SNX25: variants seen among roughly 807,000 people sequenced by gnomAD.
SNX25 encodes the protein sorting nexin 25, also known as sorting nexin-25.
A neutral mutation model predicts 113.7 loss-of-function variants in SNX25; 62 were observed. That is an observed-to-expected ratio of 0.55 (90% CI 0.44 to 0.67). The LOEUF is 0.67. SNX25 is among the 30% of genes least tolerant of loss of function. The pLI, the probability that SNX25 is intolerant of heterozygous loss-of-function variation, is 0.00. For missense variants in SNX25, 1,014 were observed against 1,161.0 expected, an observed-to-expected ratio of 0.87 and a Z score of 1.84; for synonymous variants, 421 against 436.2, an observed-to-expected ratio of 0.97 and a Z score of 0.43.
chr4:185,216,391 A>G (rs926607483), intron 1 of SNX25, among the ~76,000 whole-genome samples: 2 of 152,212 alleles, frequency 1.3e-5, no homozygotes, highest in African/African-American at 4.8e-5. Context: ...CAGTCAGCAT[A>G]AGATGAAGTT....
intron 1 of SNX25, among the ~76,000 whole-genome samples, chr4:185,224,518 AATATATATACATATATATAAATAT>A (rs1560904952): frequency 4.1e-4 from 47 of 115,274 alleles, no homozygotes; most frequent in East Asian, 1.6e-3. Flanking sequence ...TAGATATATA[AATATATATACATATATATAAATAT>A]ATATACATAT....
At chr4:185,236,138 C>T (rs1384261002) in intron 1 of SNX25, among the ~76,000 whole-genome samples, 1 of 152,250 alleles carries the variant, frequency 6.6e-6, no homozygotes, top group Non-Finnish European at 1.5e-5. Flanking sequence ...ACTTCTCACC[C>T]TCTGCCTCAG....
At chr4:185,274,369 G>A (rs939831525) in intron 5 of SNX25, among the ~76,000 whole-genome samples, 6 of 152,158 alleles carry the variant, frequency 3.9e-5, no homozygotes, top group Admixed American at 3.3e-4. Flanking sequence ...AACACTGGCT[G>A]TCTTTTAAGG....
chr4:185,287,892 T>C (rs1279760780), intron 5 of SNX25, 120 bp from the exon 6 acceptor site: 2 of 799,744 alleles, frequency 2.5e-6, no homozygotes, highest in Admixed American at 5.6e-5. Context: ...TTATGGAGCC[T>C]TGGGCAGGAT....
intron 4 of SNX25, 147 bp from the exon 5 acceptor site, chr4:185,266,822 T>C (rs1309347247): frequency 1.5e-6 from 1 of 669,082 alleles, no homozygotes; most frequent in Non-Finnish European, 2.4e-6. Flanking sequence ...GTGTACATTT[T>C]TGAATTGTTT....
In SNX25 at chr4:185,323,580, G is replaced by A. The variant is rs1579789318; in HGVS notation, c.1529G>A (p.Ser510Asn). The change falls in exon 9 of 19, where the codon AGC becomes AAC. Residue 510 changes from serine to asparagine, a missense_variant. By Grantham distance (46) the Ser-to-Asn change is conservative. Transcript: ENST00000652585. ...GEIYQNFFVE[S>N]KEISVEKSLY... Reference sequence around the variant, plus strand: ...ATTTATCAGAATTTCTTTGTGGAGAGCAAAGAAATATCTGTGGAAAAATCA... The same window carrying A: ...ATTTATCAGAATTTCTTTGTGGAGAACAAAGAAATATCTGTGGAAAAATCA... The A allele has an allele frequency of 1.9e-6, 3 of 1,612,526 alleles. No individual in the cohort carries two copies. Among genetic ancestry groups the A allele is most frequent in the African/African-American group, 1.3e-5 (1 of 74,846 alleles).
chr4:185,360,950 T>TATATATATATATATATATAG (rs1048534398), intron 16 of SNX25, among the ~76,000 whole-genome samples: 2 of 141,756 alleles, frequency 1.4e-5, no homozygotes, highest in East Asian at 2.0e-4. Flanking sequence ...TATATATATA[T>TATATATATATATATATATAG]ATAGAATCTG....
rs554545309 is a variant in SNX25, at chr4:185,235,079, C to T, written c.430-12215C>T. 2.0e-4 allele frequency among the ~76,000 whole-genome samples: 31 copies of T among 152,346 alleles called. No homozygotes were observed. In the South Asian group the frequency reaches 6.2e-3, roughly 31 times the overall value. On this transcript the variant is annotated intron_variant, in intron 1 of 18. Transcript: ENST00000652585. ...AAGATCTAATGGTTTCATATCCCTT[C>T]ATAGGATGTAGTCTCTCGGTCTATC...
At chr4:185,328,661 G>A (rs2095172910) in intron 9 of SNX25, among the ~76,000 whole-genome samples, 1 of 152,154 alleles carries the variant, frequency 6.6e-6, no homozygotes, top group Non-Finnish European at 1.5e-5. Flanking sequence ...GTTATGTGTA[G>A]GAATTCCCTG....
chr4:185,351,161 C>A (rs2095313058), intron 13 of SNX25, among the ~76,000 whole-genome samples: 1 of 152,182 alleles, frequency 6.6e-6, no homozygotes, highest in Non-Finnish European at 1.5e-5. Flanking sequence ...TTCTGTTGCA[C>A]CAAGCAGTGC....
At chr4:185,331,041 A>C (rs2095190966) in intron 9 of SNX25, among the ~76,000 whole-genome samples, 1 of 152,204 alleles carries the variant, frequency 6.6e-6, no homozygotes, top group Non-Finnish European at 1.5e-5. Context: ...GATGTGAGGT[A>C]ACAATAAACA....
chr4:185,335,443 A>G (rs2095223913), intron 10 of SNX25, among the ~76,000 whole-genome samples: 2 of 152,184 alleles, frequency 1.3e-5, no homozygotes, highest in South Asian at 4.1e-4. Context: ...AAATCTTGTA[A>G]TAGTAAGACT....
At chr4:185,319,462 G>A (rs544539811) in intron 7 of SNX25, among the ~76,000 whole-genome samples, 2,630 of 150,018 alleles carry the variant, frequency 0.018, 68 homozygotes, top group African/African-American at 0.061. Context: ...GCCTGCCACA[G>A]TGCTGGGATT....
intron 1 of SNX25, among the ~76,000 whole-genome samples, chr4:185,235,270 A>G (rs957911053): frequency 1.3e-4 from 20 of 152,218 alleles, no homozygotes; most frequent in African/African-American, 4.1e-4. Context: ...ATCTTTCTCT[A>G]TGTTCATGTG....
intron 5 of SNX25, among the ~76,000 whole-genome samples, chr4:185,279,527 C>T (rs1171634279): frequency 6.6e-6 from 1 of 151,646 alleles, no homozygotes; most frequent in Non-Finnish European, 1.5e-5. Flanking sequence ...TACTATTTTA[C>T]TCCTGACACT....
intron 4 of SNX25, among the ~76,000 whole-genome samples, chr4:185,265,354 A>G (rs149637499): frequency 1.5e-4 from 23 of 152,362 alleles, no homozygotes; most frequent in Admixed American, 1.2e-3. Context: ...CTCCTAGACT[A>G]TAAACCTTAT....
intron 12 of SNX25, among the ~76,000 whole-genome samples, chr4:185,345,500 G>A (rs2095281230): frequency 6.6e-6 from 1 of 152,228 alleles, no homozygotes; most frequent in Admixed American, 6.5e-5. Flanking sequence ...TTGCCACTGA[G>A]AGGCAGTAAT....
intron 6 of SNX25, among the ~76,000 whole-genome samples, chr4:185,295,449 GTCTT>G (rs1201795389): frequency 7.5e-6 from 1 of 132,696 alleles, no homozygotes; most frequent in Admixed American, 8.0e-5. Flanking sequence ...TTTCTGGTGA[GTCTT>G]TTTTTTTTTT....
chr4:185,293,021 T>C (rs573456104), intron 6 of SNX25, among the ~76,000 whole-genome samples: 6 of 152,216 alleles, frequency 3.9e-5, no homozygotes, highest in Non-Finnish European at 7.4e-5. Flanking sequence ...ATGTATCTGA[T>C]AAAAAGGTTG....
Sources: gnomAD v4.1 joint callset for allele counts (sites outside exome capture counted in the v4.1 genomes callset) on GRCh38, gnomAD v4.1.1 for gene constraint, MANE v1.5 for transcripts, NCBI Gene and HGNC (gene_info 2026-07-23, HGNC 2026-07-21) for gene names.